The following ROBO1 variants were observed in gnomAD, a reference collection of about 807,000 sequenced individuals.
ROBO1 encodes the protein roundabout homolog 1.
In ROBO1, 149 loss-of-function variants were observed where a neutral mutation model predicts 195.9. The ratio of observed to expected loss-of-function variants is 0.76; its 90% CI spans 0.67 to 0.87. ROBO1 has a LOEUF of 0.87. Among genes scored for constraint, ROBO1 ranks in the 40% least tolerant of loss-of-function variants. The pLI, the probability that ROBO1 is intolerant of heterozygous loss-of-function variation, is 0.00. For missense variants in ROBO1, 1,933 were observed against 2,068.3 expected (o/e 0.93, Z 1.27); for synonymous variants, 816 against 733.2 (o/e 1.11, Z -1.82).
intron 4 of ROBO1, among the ~76,000 whole-genome samples, chr3:78,778,326 T>G (rs2083567404): frequency 6.6e-6 from 1 of 151,460 alleles, no homozygotes; most frequent in Non-Finnish European, 1.5e-5. Context: ...CAGGGTTTGG[T>G]ATCAGGATGA....
intron 2 of ROBO1, among the ~76,000 whole-genome samples, chr3:79,303,626 T>C (rs186183134): frequency 2.0e-5 from 3 of 152,196 alleles, no homozygotes; most frequent in Admixed American, 6.5e-5. Context: ...GATCAATAAA[T>C]AAAGAACATG....
intron 2 of ROBO1, among the ~76,000 whole-genome samples, chr3:79,145,372 TACACAC>T (rs71127376): frequency 2.6e-3 from 189 of 72,958 alleles, no homozygotes; most frequent in Admixed American, 6.6e-3. Flanking sequence ...CACACACACA[TACACAC>T]ACACACACAC....
intron 4 of ROBO1, among the ~76,000 whole-genome samples, chr3:78,927,736 G>A (rs528856714): frequency 7.2e-5 from 11 of 152,280 alleles, no homozygotes; most frequent in Non-Finnish European, 1.0e-4. Context: ...CACAGACCAT[G>A]TACTGATATA....
chr3:79,472,057 A>G (rs1051062926), intron 2 of ROBO1, among the ~76,000 whole-genome samples: 1 of 152,110 alleles, frequency 6.6e-6, no homozygotes, highest in African/African-American at 2.4e-5. Flanking sequence ...CATGTCCTGC[A>G]TGTGTACCCC....
At chr3:79,366,493 A>G (rs2035980456) in intron 2 of ROBO1, among the ~76,000 whole-genome samples, 1 of 152,072 alleles carries the variant, frequency 6.6e-6, no homozygotes, top group Non-Finnish European at 1.5e-5. Flanking sequence ...CATAAAATTC[A>G]CAACTTCAGC....
chr3:79,162,270 A>G (rs931769610), intron 2 of ROBO1, among the ~76,000 whole-genome samples: 7 of 152,094 alleles, frequency 4.6e-5, no homozygotes, highest in African/African-American at 1.2e-4. Flanking sequence ...AAAATCTCTG[A>G]ATAGCTTAGA....
intron 5 of ROBO1, among the ~76,000 whole-genome samples, chr3:78,727,215 G>A (rs553453282): frequency 6.6e-4 from 100 of 151,898 alleles, no homozygotes; most frequent in Middle Eastern, 3.4e-3. Context: ...ATATAATCAA[G>A]TAAAATAATT....
In ROBO1 at chr3:78,746,925, A is replaced by G. The variant is rs769637994; in HGVS notation, c.500-25T>C. 8.1e-6 allele frequency: 12 copies of G among 1,488,076 alleles called. No individual in the cohort carries two copies. The African/African-American group carries it at 1.7e-4, about 21-fold the overall frequency. The allele number at this position is 1,488,076 out of a possible 1,614,324, so 92.2% of individuals were successfully genotyped here. A position where few individuals can be genotyped will look rare whatever the true frequency, so the allele number is the denominator to read the frequency against. On this transcript the variant is annotated intron_variant, in intron 4 of 30. Coordinates refer to ENST00000464233, the MANE Select transcript of ROBO1 (RefSeq NM_002941.4). The stretch of plus-strand genomic sequence containing the variant: ...ACTGTAGGAACAAGATTAAATCATT[A>G]TACCCAAAAGTGATAGATACAGTCC...
At chr3:79,714,087 C>A (rs1702381495) in intron 1 of ROBO1, among the ~76,000 whole-genome samples, 2 of 151,652 alleles carry the variant, frequency 1.3e-5, no homozygotes, top group African/African-American at 4.8e-5. Context: ...CTCTTTTTTG[C>A]AACCTACTCA....
chr3:79,606,023 T>A (rs1484301729), intron 1 of ROBO1, among the ~76,000 whole-genome samples: 1 of 144,156 alleles, frequency 6.9e-6, no homozygotes, highest in African/African-American at 2.8e-5. Context: ...CATTTATATA[T>A]ACATGTACCC....
intron 1 of ROBO1, among the ~76,000 whole-genome samples, chr3:79,637,904 T>C (rs1945542729): frequency 2.0e-5 from 3 of 152,182 alleles, no homozygotes; most frequent in Admixed American, 2.0e-4. Flanking sequence ...GACTTTTGAC[T>C]TGGGTATTTT....
At chr3:78,930,382 C>T (rs1177797283) in intron 4 of ROBO1, among the ~76,000 whole-genome samples, 2 of 152,144 alleles carry the variant, frequency 1.3e-5, no homozygotes, top group African/African-American at 2.4e-5. Context: ...CTGCAAGAGG[C>T]TAAACCCAGT....
chr3:78,956,802 T>C (rs1056963159), intron 3 of ROBO1, among the ~76,000 whole-genome samples: 7 of 152,136 alleles, frequency 4.6e-5, no homozygotes, highest in African/African-American at 9.7e-5. Context: ...CTGTAAGCAA[T>C]TGGCTATACA....
At chr3:78,992,947 G>A (rs537154563) in intron 3 of ROBO1, among the ~76,000 whole-genome samples, 3 of 152,110 alleles carry the variant, frequency 2.0e-5, no homozygotes, top group Admixed American at 6.6e-5. Context: ...CAAGATTTTC[G>A]TAGGAGATGC....
chr3:79,717,870 C>T (rs1326569345), intron 1 of ROBO1, among the ~76,000 whole-genome samples: 2 of 151,846 alleles, frequency 1.3e-5, no homozygotes, highest in Non-Finnish European at 2.9e-5. Context: ...GTGTATTTTT[C>T]TGTGGATTAA....
intron 2 of ROBO1, among the ~76,000 whole-genome samples, chr3:79,180,225 A>C (rs953864058): frequency 6.6e-6 from 1 of 152,160 alleles, no homozygotes; most frequent in African/African-American, 2.4e-5. Context: ...TCTACTCCTC[A>C]TTCTTCATTT....
chr3:79,163,393 T>C (rs913622621), intron 2 of ROBO1, among the ~76,000 whole-genome samples: 1 of 152,150 alleles, frequency 6.6e-6, no homozygotes, highest in Non-Finnish European at 1.5e-5. Flanking sequence ...TATTTCACTG[T>C]AATAAGTGCC....
intron 2 of ROBO1, among the ~76,000 whole-genome samples, chr3:79,275,384 T>C (rs1427449788): frequency 6.6e-6 from 1 of 151,908 alleles, no homozygotes; most frequent in Non-Finnish European, 1.5e-5. Flanking sequence ...AAAAATCATA[T>C]AACCATTTCA....
intron 4 of ROBO1, among the ~76,000 whole-genome samples, chr3:78,816,626 T>A (rs916476849): frequency 1.3e-5 from 2 of 152,206 alleles, no homozygotes; most frequent in African/African-American, 4.8e-5. Context: ...GAGGCCAACA[T>A]ATCAACATTA....
Sources: allele counts gnomAD v4.1 joint callset (sites outside exome capture counted in the v4.1 genomes callset), GRCh38; gene constraint gnomAD v4.1.1; transcripts MANE v1.5; gene names NCBI Gene and HGNC (gene_info 2026-07-23, HGNC 2026-07-21).